ITCH: variants seen among roughly 807,000 people sequenced by gnomAD.
ITCH encodes the protein E3 ubiquitin-protein ligase Itchy homolog.
In ITCH, 28 loss-of-function variants were observed where a neutral mutation model predicts 126.8. The observed-to-expected ratio is 0.22, with a 90% CI of 0.16 to 0.30. ITCH has a LOEUF of 0.30. Ranked by LOEUF, ITCH falls within the 10% of genes least tolerant of loss-of-function variation. The pLI is 1.00. For synonymous variants in ITCH, 342 were observed against 340.0 expected, an observed-to-expected ratio of 1.01 and a Z score of -0.06; for missense variants, 631 against 1,032.4, an observed-to-expected ratio of 0.61 and a Z score of 5.33.
At chr20:34,464,510 G>T (rs1247682085) in intron 14 of ITCH, among the ~76,000 whole-genome samples, 2 of 151,688 alleles carry the variant, frequency 1.3e-5, no homozygotes, top group Admixed American at 6.6e-5. Flanking sequence ...ATTTTTAGTA[G>T]AAGACAGGGT....
chr20:34,433,600 C>T (rs777866108), intron 7 of ITCH, among the ~76,000 whole-genome samples: 10 of 144,596 alleles, frequency 6.9e-5, no homozygotes, highest in Admixed American at 1.4e-4. Context: ...AGGGCTGCAG[C>T]GAGCAGTGAT....
chr20:34,456,217 T>G (rs1427809444), intron 12 of ITCH, among the ~76,000 whole-genome samples: 1 of 32,926 alleles, frequency 3.0e-5, no homozygotes, highest in Non-Finnish European at 6.3e-5. Context: ...TATATATATT[T>G]TTTTTTTTTT....
At chr20:34,396,327 C>T (rs774307386) in intron 3 of ITCH, among the ~76,000 whole-genome samples, 5 of 151,988 alleles carry the variant, frequency 3.3e-5, no homozygotes, top group Non-Finnish European at 5.9e-5. Flanking sequence ...AGCCACTGCA[C>T]GGGCCCAAAT....
chr20:34,404,841 A>G (rs1223498192), intron 3 of ITCH, among the ~76,000 whole-genome samples: 1 of 152,122 alleles, frequency 6.6e-6, no homozygotes, highest in Non-Finnish European at 1.5e-5. Flanking sequence ...ACCCCCATGT[A>G]AAGTTTGTTA....
intron 7 of ITCH, among the ~76,000 whole-genome samples, chr20:34,433,886 A>G (rs1036156994): frequency 1.3e-5 from 2 of 152,274 alleles, no homozygotes; most frequent in African/African-American, 2.4e-5. Flanking sequence ...AGATAGTCCT[A>G]TGTCTTGGTG....
intron 2 of ITCH, among the ~76,000 whole-genome samples, chr20:34,391,774 A>G (rs910276295): frequency 2.0e-5 from 3 of 152,178 alleles, no homozygotes; most frequent in African/African-American, 7.2e-5. Flanking sequence ...CTGGAGAGTC[A>G]TTGTTCTTAA....
At chr20:34,488,536 A>AC (rs1180068378) in intron 20 of ITCH, among the ~76,000 whole-genome samples, 2 of 151,714 alleles carry the variant, frequency 1.3e-5, no homozygotes, top group African/African-American at 4.8e-5. Flanking sequence ...ACATGATGAA[A>AC]CCCCCGTCTC....
rs1244071976 is a variant in ITCH at position 34,378,234 on chromosome 20, G to C, written c.-22+8764G>C. Among the ~76,000 whole-genome samples the C allele has an allele frequency of 2.0e-5, 3 of 152,040 alleles. No homozygotes were observed. In the East Asian group the frequency reaches 5.8e-4, roughly 29 times the overall value. On this transcript the variant is annotated intron_variant, in intron 2 of 24. Transcript: ENST00000374864. ...GCCTGTAATCCCAGCACTTTGGGAG[G>C]CCAAGGCGGGAGGATCACCTGAGGT... is the stretch of plus-strand genomic sequence containing the variant.
intron 2 of ITCH, among the ~76,000 whole-genome samples, chr20:34,376,451 AATAAATAC>A (rs548518043): frequency 0.011 from 1,165 of 107,448 alleles, 16 homozygotes; most frequent in African/African-American, 0.039. Flanking sequence ...GTGTCTCAAA[AATAAATAC>A]ATAAATAAAT....
At chr20:34,381,141 C>T (rs1303751802) in intron 2 of ITCH, among the ~76,000 whole-genome samples, 1 of 152,022 alleles carries the variant, frequency 6.6e-6, no homozygotes, top group Non-Finnish European at 1.5e-5. Context: ...TGGCTTGCGC[C>T]TGTAATCCCA....
intron 19 of ITCH, 86 bp downstream of exon 19, chr20:34,480,818 A>C (rs549642691): frequency 8.8e-7 from 1 of 1,135,870 alleles, no homozygotes; most frequent in Non-Finnish European, 1.3e-6. Context: ...CTGTAGGCAC[A>C]TAATTGGTTT....
In ITCH at chr20:34,369,479, T is replaced by G; in HGVS notation, c.-22+9T>G. On this transcript the variant is annotated intron_variant, in intron 2 of 24. Transcript: ENST00000374864. ...AACTGTGAGAACTTCAGGTATGGTGTCATCCTGTGAGAGAAATTGGGGGCA... is the reference window on the plus strand; with the variant it reads ...AACTGTGAGAACTTCAGGTATGGTGGCATCCTGTGAGAGAAATTGGGGGCA... The G allele has an allele frequency of 2.5e-6, 1 of 399,020 alleles. No homozygotes were observed. The highest frequency in any genetic ancestry group is 4.4e-6 in the Non-Finnish European group (1 of 226,058). The allele number at this position is 399,020 out of a possible 1,614,324, so 24.7% of individuals were successfully genotyped here. A position where few individuals can be genotyped will look rare whatever the true frequency, so the allele number is the denominator to read the frequency against.
intron 16 of ITCH, among the ~76,000 whole-genome samples, chr20:34,472,426 C>T (rs1030489007): frequency 6.8e-6 from 1 of 147,068 alleles, no homozygotes; most frequent in Non-Finnish European, 1.5e-5. Flanking sequence ...TCGCCTTTAT[C>T]TTGCAGATAT....
rs1469829672 is a variant in ITCH, at chr20:34,510,866, T to G, written c.*3072T>G. 1.3e-5 allele frequency: 2 copies of G among 152,158 alleles called. No individual in the cohort carries two copies. Among genetic ancestry groups the G allele is most frequent in the Non-Finnish European group, 2.9e-5 (2 of 68,036 alleles). 9.4% of individuals were successfully genotyped at this position (152,158 alleles called of 1,614,324 possible). A position where few individuals can be genotyped will look rare whatever the true frequency, so the allele number is the denominator to read the frequency against. On this transcript the variant is annotated 3_prime_UTR_variant, in exon 25 of 25. Coordinates refer to ENST00000374864, the MANE Select transcript of ITCH (RefSeq NM_031483.7). ...AGGTACTGATTTTTCATCAAGAGAT[T>G]GACATACCAATGATCAGAAATTTTA...
At chr20:34,377,459 A>G (rs544517092) in intron 2 of ITCH, among the ~76,000 whole-genome samples, 9 of 152,236 alleles carry the variant, frequency 5.9e-5, no homozygotes, top group African/African-American at 2.2e-4. Flanking sequence ...CCTCTGGTAT[A>G]TTTCATTAGA....
intron 6 of ITCH, among the ~76,000 whole-genome samples, chr20:34,420,282 C>CTT (rs1980584458): frequency 6.6e-6 from 1 of 152,188 alleles, no homozygotes; most frequent in Non-Finnish European, 1.5e-5. Flanking sequence ...AATCTGCTCT[C>CTT]TGTCTCTATG....
chr20:34,497,564 T>G (rs1402478393), intron 23 of ITCH, among the ~76,000 whole-genome samples: 3 of 152,132 alleles, frequency 2.0e-5, no homozygotes, highest in South Asian at 2.1e-4. Context: ...AAGAATGTCA[T>G]TGGTTGTTTT....
intron 2 of ITCH, among the ~76,000 whole-genome samples, chr20:34,387,587 T>C (rs1240529666): frequency 6.7e-6 from 1 of 149,554 alleles, no homozygotes; most frequent in Non-Finnish European, 1.5e-5. Context: ...GCTCGATCAC[T>C]CTAGCATAGG....
chr20:34,480,625 C>T lies in ITCH; in HGVS notation c.1845C>T (p.Asp615=), dbSNP rs1988658263. 1.2e-6 allele frequency: 2 copies of T among 1,613,720 alleles called. No individual in the cohort carries two copies. The highest frequency in any genetic ancestry group is 2.2e-5 in the South Asian group (2 of 91,064). The change falls in exon 19 of 25, where the codon GAC becomes GAT. Residue 615 remains aspartate (D), a synonymous_variant. Coordinates refer to ENST00000374864, the MANE Select transcript of ITCH (RefSeq NM_031483.7). ...AMALFHGKFI[D]TGFSLPFYKR... ...CTCTGTTCCATGGGAAATTCATAGA[C>T]ACGGGTTTTTCTTTACCATTCTATA...
Sources: gnomAD v4.1 joint callset for allele counts (sites outside exome capture counted in the v4.1 genomes callset) on GRCh38, gnomAD v4.1.1 for gene constraint, MANE v1.5 for transcripts, NCBI Gene and HGNC (gene_info 2026-07-23, HGNC 2026-07-21) for gene names.